Variants in INSL6 observed in about 807,000 individuals in gnomAD.
INSL6 encodes insulin-like peptide INSL6.
INSL6 carries 16 observed loss-of-function variants against 9.4 expected under a neutral mutation model. The observed-to-expected ratio is 1.70, with a 90% CI of 1.15 to 2.59. The LOEUF (loss-of-function observed/expected upper bound fraction) is 2.59, where lower values mean the gene tolerates loss of function less well. Ranked by LOEUF, INSL6 falls within the 30% of genes most tolerant of loss-of-function variation. INSL6 has a pLI of 0.00. For synonymous variants in INSL6, 154 were observed against 96.9 expected, an observed-to-expected ratio of 1.59 and a Z score of -3.46; for missense variants, 391 against 257.3, an observed-to-expected ratio of 1.52 and a Z score of -3.56.
At chr9:5,021,889 C>T in the INSL6 span, 1 of 834,044 alleles carries the variant, frequency 1.2e-6, no homozygotes, top group Non-Finnish European at 1.9e-6. Context: ...CGCCTCGGCC[C>T]CGCAAAGTGC....
the INSL6 span, among the ~76,000 whole-genome samples, chr9:5,015,645 A>G: frequency 6.6e-6 from 1 of 151,496 alleles, no homozygotes; most frequent in African/African-American, 2.4e-5. Flanking sequence ...GGCTCAAGTG[A>G]TCCTATTGTT....
the INSL6 span, among the ~76,000 whole-genome samples, chr9:5,013,635 C>A: frequency 6.6e-6 from 1 of 152,102 alleles, no homozygotes; most frequent in South Asian, 2.1e-4. Flanking sequence ...CCAATAATGC[C>A]CTGTTTTTCA....
chr9:5,143,205 A>G (rs1824536113), intron 2 of INSL6, among the ~76,000 whole-genome samples: 1 of 151,120 alleles, frequency 6.6e-6, no homozygotes, highest in Non-Finnish European at 1.5e-5. Flanking sequence ...GACCTCATAG[A>G]ATGAGTTACA....
the INSL6 span, chr9:5,050,653 G>A: frequency 2.5e-6 from 4 of 1,586,560 alleles, no homozygotes; most frequent in Non-Finnish European, 2.6e-6. Flanking sequence ...TGAAACTTAC[G>A]ATGAGATATT....
At chr9:5,131,722 G>T (rs887806718) in intron 3 of INSL6, among the ~76,000 whole-genome samples, 3 of 152,152 alleles carry the variant, frequency 2.0e-5, no homozygotes, top group Non-Finnish European at 4.4e-5. Flanking sequence ...TTACAGGCAT[G>T]AGGCACTGCG....
chr9:5,016,678 T>A, the INSL6 span, among the ~76,000 whole-genome samples: 6 of 152,004 alleles, frequency 3.9e-5, no homozygotes, highest in Non-Finnish European at 7.4e-5. Context: ...AGAAATAGAG[T>A]ATCACCTGAA....
chr9:5,016,447 G>A, the INSL6 span, among the ~76,000 whole-genome samples: 2 of 152,124 alleles, frequency 1.3e-5, no homozygotes, highest in Non-Finnish European at 2.9e-5. Flanking sequence ...CAATGAGCCT[G>A]CAAACCAAAT....
chr9:5,114,036 C>A, the INSL6 span: 15 of 319,544 alleles, frequency 4.7e-5, no homozygotes, highest in Non-Finnish European at 6.9e-5. Flanking sequence ...CTCTCCCATA[C>A]TGGAGGATGA....
At chr9:5,083,450 C>T in the INSL6 span, among the ~76,000 whole-genome samples, 1 of 152,202 alleles carries the variant, frequency 6.6e-6, no homozygotes, top group Non-Finnish European at 1.5e-5. Flanking sequence ...TTCCTAAATT[C>T]ATATTTTCCT....
chr9:5,037,366 C>CAAAGGATTATAAATCATGCTGCTAT, the INSL6 span, among the ~76,000 whole-genome samples: 1 of 152,062 alleles, frequency 6.6e-6, no homozygotes, highest in Non-Finnish European at 1.5e-5. Context: ...GGTATATACC[C>CAAAGGATTATAAATCATGCTGCTAT]AAAGGATTAT....
At chr9:5,077,850 A>G in the INSL6 span, among the ~76,000 whole-genome samples, 10 of 152,198 alleles carry the variant, frequency 6.6e-5, no homozygotes, top group African/African-American at 1.2e-4. Context: ...AGAAAATTCA[A>G]CCAAAAATTA....
chr9:5,097,606 A>G, the INSL6 span: 5 of 151,482 alleles, frequency 3.3e-5, no homozygotes, highest in East Asian at 1.9e-4. Context: ...TGCTATGCCT[A>G]CTGGCATCAA....
At chr9:5,174,176 C>A (rs1825247299) in intron 1 of INSL6, among the ~76,000 whole-genome samples, 1 of 152,100 alleles carries the variant, frequency 6.6e-6, no homozygotes, top group Non-Finnish European at 1.5e-5. Context: ...CTTATTTCTC[C>A]CACTTATAAA....
the INSL6 span, chr9:5,111,734 T>C: frequency 2.3e-6 from 1 of 431,696 alleles, no homozygotes; most frequent in Non-Finnish European, 4.6e-6. Flanking sequence ...GCGCGTGGGC[T>C]ACCGGCTGCA....
chr9:5,003,675 C>T, the INSL6 span, among the ~76,000 whole-genome samples: 1 of 152,014 alleles, frequency 6.6e-6, no homozygotes, highest in African/African-American at 2.4e-5. Flanking sequence ...CTTATCCTTT[C>T]TAATCATCAT....
At chr9:5,176,751 G>A (rs1479073092) in intron 1 of INSL6, among the ~76,000 whole-genome samples, 1 of 149,630 alleles carries the variant, frequency 6.7e-6, no homozygotes, top group Non-Finnish European at 1.5e-5. Context: ...AGTTTAGCAA[G>A]AAAGTGATAT....
chr9:5,053,910 G>A, the INSL6 span, among the ~76,000 whole-genome samples: 1 of 151,856 alleles, frequency 6.6e-6, no homozygotes, highest in African/African-American at 2.4e-5. Flanking sequence ...ATTACGGCAT[G>A]GAAAATTATT....
chr9:4,992,821 C>T, the INSL6 span, among the ~76,000 whole-genome samples: 10 of 152,196 alleles, frequency 6.6e-5, no homozygotes, highest in African/African-American at 2.4e-4. Context: ...TAGGCACAGT[C>T]TGTAGCAATT....
chr9:5,109,161 C>T, the INSL6 span: 5 of 152,168 alleles, frequency 3.3e-5, no homozygotes, highest in Non-Finnish European at 5.9e-5. Flanking sequence ...AATCACAACA[C>T]AATGAGGGAC....
Sources: gnomAD v4.1 joint callset for allele counts (sites outside exome capture counted in the v4.1 genomes callset) on GRCh38, gnomAD v4.1.1 for gene constraint, MANE v1.5 for transcripts, NCBI Gene and HGNC (gene_info 2026-07-23, HGNC 2026-07-21) for gene names.